The following ELK3 variants were observed in gnomAD, a reference collection of about 807,000 sequenced individuals.
The protein encoded by ELK3 is ETS transcription factor ELK3.
ELK3 carries 10 observed loss-of-function variants against 28.9 expected under a neutral mutation model. The observed-to-expected ratio is 0.35, with a 90% CI of 0.21 to 0.59. ELK3 has a LOEUF of 0.59. Ranked by LOEUF, ELK3 falls within the 20% of genes least tolerant of loss-of-function variation. The pLI is 0.82. For synonymous variants in ELK3, 272 were observed against 243.5 expected, an observed-to-expected ratio of 1.12 and a Z score of -1.09; for missense variants, 463 against 517.3, an observed-to-expected ratio of 0.90 and a Z score of 1.02.
At chr12:96,216,181 A>T (rs894908490) in intron 1 of ELK3, among the ~76,000 whole-genome samples, 1 of 152,020 alleles carries the variant, frequency 6.6e-6, no homozygotes, top group Non-Finnish European at 1.5e-5. Context: ...GTCATTTAGA[A>T]CATCTTTCTT....
chr12:96,228,442 A>AAAAAAAAAAAAAG (rs761298726), intron 2 of ELK3, among the ~76,000 whole-genome samples: 5 of 142,560 alleles, frequency 3.5e-5, no homozygotes, highest in Admixed American at 7.5e-5. Flanking sequence ...AAAAAAAAAA[A>AAAAAAAAAAAAAG]AAGAAGATCA....
At position 96,225,608 on chromosome 12, in the gene ELK3, T is replaced by C. The variant is rs545645640; in HGVS notation, c.207+1835T>C. ...CAGGTGCTGCTGTCATCATCCTCCT[T>C]ATACACATGAGAACGTGGAGGCTTG... On this transcript the variant is annotated intron_variant, in intron 2 of 4. Coordinates refer to ENST00000228741, the MANE Select transcript of ELK3 (RefSeq NM_005230.4). Among the ~76,000 whole-genome samples, 10 of 152,284 alleles carry C rather than the reference T, an allele frequency of 6.6e-5. No individual in the cohort carries two copies. In the South Asian group the frequency reaches 1.7e-3, roughly 25 times the overall value.
intron 2 of ELK3, among the ~76,000 whole-genome samples, chr12:96,245,173 G>A (rs561407866): frequency 1.3e-5 from 2 of 152,210 alleles, no homozygotes; most frequent in South Asian, 2.1e-4. Flanking sequence ...TGTGCCCTTC[G>A]CTGCCATCAT....
chr12:96,229,786 T>C (rs1285269358), intron 2 of ELK3, among the ~76,000 whole-genome samples: 1 of 152,122 alleles, frequency 6.6e-6, no homozygotes, highest in East Asian at 1.9e-4. Context: ...TGCCTCATCC[T>C]CCCAAAGTGC....
chr12:96,225,349 C>A (rs1389202987), intron 2 of ELK3, among the ~76,000 whole-genome samples: 1 of 152,202 alleles, frequency 6.6e-6, no homozygotes, highest in Non-Finnish European at 1.5e-5. Context: ...GGTTGTGTCT[C>A]TTTAGCATGA....
intron 2 of ELK3, among the ~76,000 whole-genome samples, chr12:96,245,679 C>G (rs764625366): frequency 6.6e-6 from 1 of 152,126 alleles, no homozygotes; most frequent in African/African-American, 2.4e-5. Context: ...CCATCTTTGT[C>G]TCTCTGAGCC....
At chr12:96,202,462 G>A (rs560904243) in intron 1 of ELK3, among the ~76,000 whole-genome samples, 6 of 149,536 alleles carry the variant, frequency 4.0e-5, no homozygotes, top group Admixed American at 6.7e-5. Context: ...AGCCTTTCCT[G>A]TCACCTAGAG....
intron 2 of ELK3, among the ~76,000 whole-genome samples, chr12:96,238,078 A>T (rs1033157193): frequency 7.2e-5 from 11 of 152,228 alleles, no homozygotes; most frequent in African/African-American, 2.7e-4. Flanking sequence ...TGAGGCTAAC[A>T]TGAGATTTTG....
At chr12:96,239,992 C>T (rs561210666) in intron 2 of ELK3, among the ~76,000 whole-genome samples, 1 of 152,334 alleles carries the variant, frequency 6.6e-6, no homozygotes, top group South Asian at 2.1e-4. Context: ...CTCCGTGTGT[C>T]CCCCTCCTAG....
At chr12:96,262,335 A>G (rs568687007) in intron 4 of ELK3, among the ~76,000 whole-genome samples, 8 of 152,272 alleles carry the variant, frequency 5.3e-5, no homozygotes, top group African/African-American at 1.9e-4. Context: ...CATTTTTGTC[A>G]TGTTCCTAGT....
In ELK3 at chr12:96,253,223, G is replaced by A. The variant is rs557171987; in HGVS notation, c.1002+5489G>A. On this transcript the variant is annotated intron_variant, in intron 3 of 4. Coordinates refer to ENST00000228741, the MANE Select transcript of ELK3 (RefSeq NM_005230.4). ...TGTGATGAGCCGAGATCACGCCACCGCACTCCAGCCTGGACAACAAGAGCG... is the reference window on the plus strand; with the variant it reads ...TGTGATGAGCCGAGATCACGCCACCACACTCCAGCCTGGACAACAAGAGCG... Among the ~76,000 whole-genome samples the A allele has an allele frequency of 9.2e-5, 14 of 152,308 alleles. 1 individual carries two copies. Among genetic ancestry groups the A allele is most frequent in the Non-Finnish European group, 1.5e-4 (10 of 68,040 alleles).
chr12:96,262,191 G>GT (rs1241711495), intron 4 of ELK3, among the ~76,000 whole-genome samples: 6 of 151,970 alleles, frequency 3.9e-5, no homozygotes, highest in African/African-American at 1.5e-4. Flanking sequence ...GTTAATTTTT[G>GT]TATTTTTAGT....
chr12:96,226,085 T>C (rs1276468538), intron 2 of ELK3, among the ~76,000 whole-genome samples: 1 of 152,042 alleles, frequency 6.6e-6, no homozygotes, highest in Non-Finnish European at 1.5e-5. Context: ...TGAGCTCTGA[T>C]TGCACCACTG....
intron 1 of ELK3, among the ~76,000 whole-genome samples, chr12:96,205,831 A>C (rs539498348): frequency 6.6e-6 from 1 of 152,330 alleles, no homozygotes; most frequent in East Asian, 1.9e-4. Flanking sequence ...TGAGGCAAAA[A>C]CAGAAGAGCC....
intron 1 of ELK3, among the ~76,000 whole-genome samples, chr12:96,208,931 G>C (rs952176026): frequency 1.3e-5 from 2 of 152,272 alleles, no homozygotes; most frequent in Non-Finnish European, 2.9e-5. Context: ...ACTCATTGCT[G>C]CATCAGGACT....
At chr12:96,198,429 A>C (rs1181009537) in intron 1 of ELK3, among the ~76,000 whole-genome samples, 4 of 152,178 alleles carry the variant, frequency 2.6e-5, no homozygotes, top group Non-Finnish European at 5.9e-5. Flanking sequence ...TAGAGCCCAG[A>C]TGACTGTCTT....
At chr12:96,249,521 C>G (rs1053776042) in intron 3 of ELK3, among the ~76,000 whole-genome samples, 6 of 152,164 alleles carry the variant, frequency 3.9e-5, no homozygotes, top group African/African-American at 1.4e-4. Flanking sequence ...AACAGCAGCT[C>G]CTGATGTAGC....
intron 1 of ELK3, among the ~76,000 whole-genome samples, chr12:96,199,016 G>T (rs1216935120): frequency 2.6e-5 from 4 of 152,146 alleles, no homozygotes; most frequent in African/African-American, 9.7e-5. Context: ...TGTGGTTCAA[G>T]TAATGTTCTA....
intron 3 of ELK3, among the ~76,000 whole-genome samples, chr12:96,252,233 A>G (rs1951912995): frequency 6.6e-6 from 1 of 152,228 alleles, no homozygotes; most frequent in Non-Finnish European, 1.5e-5. Context: ...TCCTTTCAAA[A>G]TATTACTGCT....
Sources: gnomAD v4.1 joint callset for allele counts (sites outside exome capture counted in the v4.1 genomes callset) on GRCh38, gnomAD v4.1.1 for gene constraint, MANE v1.5 for transcripts, NCBI Gene and HGNC (gene_info 2026-07-23, HGNC 2026-07-21) for gene names.